SOX5: variants seen among roughly 807,000 people sequenced by gnomAD.
SOX5 encodes SRY-box transcription factor 5.
A neutral mutation model predicts 92.0 loss-of-function variants in SOX5; 9 were observed. That is an observed-to-expected ratio of 0.10 (90% CI 0.06 to 0.17). SOX5 has a LOEUF of 0.17. Among genes scored for constraint, SOX5 ranks in the 10% least tolerant of loss-of-function variants. The probability of loss-of-function intolerance (pLI) is 1.00; values close to 1 mark genes in which losing one functional copy is unlikely to be tolerated. For missense variants in SOX5, 642 were observed against 944.5 expected (o/e 0.68, Z 4.20); for synonymous variants, 344 against 336.3 (o/e 1.02, Z -0.25).
chr12:23,767,611 C>T (rs570034787), intron 3 of SOX5, among the ~76,000 whole-genome samples: 10 of 152,114 alleles, frequency 6.6e-5, no homozygotes, highest in Admixed American at 4.6e-4. Context: ...TACAGGACAA[C>T]ATTTTGAATG....
chr12:23,941,046 T>G (rs1490591072), intron 1 of SOX5, among the ~76,000 whole-genome samples: 1 of 151,554 alleles, frequency 6.6e-6, no homozygotes, highest in Non-Finnish European at 1.5e-5. Flanking sequence ...TTGTTTGTAT[T>G]TCTATGAAAT....
At chr12:24,414,744 C>G (rs1171960230) in intron 1 of SOX5, among the ~76,000 whole-genome samples, 1 of 152,202 alleles carries the variant, frequency 6.6e-6, no homozygotes, top group Non-Finnish European at 1.5e-5. Context: ...TTTAACCAGA[C>G]AGAACTACCG....
intron 4 of SOX5, among the ~76,000 whole-genome samples, chr12:23,968,285 A>T (rs139828467): frequency 6.6e-6 from 1 of 152,210 alleles, no homozygotes; most frequent in Non-Finnish European, 1.5e-5. Flanking sequence ...TTTGATTAAC[A>T]GTGACCTCTA....
intron 4 of SOX5, among the ~76,000 whole-genome samples, chr12:24,165,762 G>A (rs1953327799): frequency 6.6e-6 from 1 of 152,086 alleles, no homozygotes; most frequent in Admixed American, 6.6e-5. Flanking sequence ...AGAGGAAGAA[G>A]AGAAAGAAAG....
At chr12:24,294,441 A>G (rs1234178544) in intron 2 of SOX5, among the ~76,000 whole-genome samples, 10 of 152,356 alleles carry the variant, frequency 6.6e-5, no homozygotes, top group African/African-American at 1.9e-4. Context: ...AAACACTTCA[A>G]TAAAGCACTT....
chr12:23,664,021 C>T (rs2083431346), intron 7 of SOX5, among the ~76,000 whole-genome samples: 1 of 152,080 alleles, frequency 6.6e-6, no homozygotes, highest in Admixed American at 6.6e-5. Context: ...AAGAGCAAAG[C>T]ACCACACATA....
chr12:23,802,307 C>G (rs1043785174), intron 3 of SOX5, among the ~76,000 whole-genome samples: 2 of 152,084 alleles, frequency 1.3e-5, no homozygotes, highest in South Asian at 4.1e-4. Context: ...GTCTCGATCT[C>G]CTGACCTCGT....
intron 2 of SOX5, among the ~76,000 whole-genome samples, chr12:24,341,543 A>G (rs937163611): frequency 1.3e-5 from 2 of 152,232 alleles, no homozygotes; most frequent in African/African-American, 4.8e-5. Flanking sequence ...ACTTTTAAAA[A>G]TATATATTTA....
At chr12:24,374,882 T>A (rs1422896431) in intron 1 of SOX5, among the ~76,000 whole-genome samples, 1 of 152,200 alleles carries the variant, frequency 6.6e-6, no homozygotes, top group Non-Finnish European at 1.5e-5. Flanking sequence ...ATTTGTGTAG[T>A]CACTAGGGTG....
At chr12:23,640,931 T>TTTA in intron 7 of SOX5, 34 bp from the exon 8 acceptor site, 1 of 1,369,262 alleles carries the variant, frequency 7.3e-7, no homozygotes, top group South Asian at 1.2e-5. Flanking sequence ...GTCAGCACCT[T>TTTA]TTATCTACTC....
chr12:24,229,103 A>G (rs1002953), intron 3 of SOX5, among the ~76,000 whole-genome samples: 92,363 of 152,010 alleles, frequency 0.61, 28,582 homozygotes, highest in East Asian at 0.73. Context: ...CAGCCACACC[A>G]CCTGACCGCT....
At chr12:24,315,924 G>A (rs1022851187) in intron 2 of SOX5, among the ~76,000 whole-genome samples, 1 of 152,164 alleles carries the variant, frequency 6.6e-6, no homozygotes, top group Admixed American at 6.5e-5. Flanking sequence ...GAAAACGGAG[G>A]CGTGTGACTC....
intron 9 of SOX5, among the ~76,000 whole-genome samples, chr12:23,603,076 G>T (rs2074722082): frequency 6.6e-6 from 1 of 151,938 alleles, no homozygotes; most frequent in African/African-American, 2.4e-5. Context: ...CCTTGTCCAG[G>T]TTAAGTTATA....
intron 4 of SOX5, among the ~76,000 whole-genome samples, chr12:23,973,682 A>T (rs949569648): frequency 1.3e-5 from 2 of 152,172 alleles, no homozygotes; most frequent in African/African-American, 2.4e-5. Context: ...AGGGGTCCCC[A>T]GTCTCCAGGT....
intron 3 of SOX5, among the ~76,000 whole-genome samples, chr12:24,272,059 T>C (rs10771074): frequency 0.76 from 116,046 of 152,066 alleles, 44,402 homozygotes; most frequent in East Asian, 0.9. Context: ...GGCATGGTAC[T>C]TATAAATCAA....
chr12:24,178,699 T>C (rs1042797660), intron 4 of SOX5, among the ~76,000 whole-genome samples: 1 of 152,228 alleles, frequency 6.6e-6, no homozygotes, highest in Non-Finnish European at 1.5e-5. Flanking sequence ...AAACCTTTTA[T>C]AGAAAAGAAA....
chr12:23,718,799 G>T (rs1047271969), intron 6 of SOX5, among the ~76,000 whole-genome samples: 3 of 152,174 alleles, frequency 2.0e-5, no homozygotes, highest in East Asian at 3.9e-4. Flanking sequence ...AAAACAAATG[G>T]CTGCTAATGC....
intron 6 of SOX5, among the ~76,000 whole-genome samples, chr12:23,678,318 T>G (rs2086038658): frequency 6.6e-6 from 1 of 152,164 alleles, no homozygotes; most frequent in South Asian, 2.1e-4. Flanking sequence ...TTTACTACTT[T>G]GCTAAATTTA....
At chr12:24,533,170 A>T (rs749283312) in intron 1 of SOX5, among the ~76,000 whole-genome samples, 3 of 152,190 alleles carry the variant, frequency 2.0e-5, no homozygotes, top group Non-Finnish European at 4.4e-5. Flanking sequence ...AATTTTTTGA[A>T]AGACATAATG....
Sources: allele counts gnomAD v4.1 joint callset (sites outside exome capture counted in the v4.1 genomes callset), GRCh38; gene constraint gnomAD v4.1.1; transcripts MANE v1.5; gene names NCBI Gene and HGNC (gene_info 2026-07-23, HGNC 2026-07-21).